The following GKAP1 variants were observed in gnomAD, a reference collection of about 807,000 sequenced individuals.
The protein encoded by GKAP1 is G kinase anchoring protein 1, also known as G kinase-anchoring protein 1.
In GKAP1, 31 loss-of-function variants were observed where a neutral mutation model predicts 56.7. The observed-to-expected ratio is 0.55, with a 90% confidence interval of 0.41 to 0.74. The LOEUF (loss-of-function observed/expected upper bound fraction) is 0.74, where lower values mean the gene tolerates loss of function less well. GKAP1 is among the 30% of genes least tolerant of loss of function. The probability of loss-of-function intolerance (pLI) is 0.00; values close to 1 mark genes in which losing one functional copy is unlikely to be tolerated. For synonymous variants in GKAP1, 151 were observed against 138.6 expected, an observed-to-expected ratio of 1.09 and a Z score of -0.63; for missense variants, 364 against 402.3, an observed-to-expected ratio of 0.90 and a Z score of 0.82.
chr9:83,756,470 C>CAAAAA (rs142896755), intron 8 of GKAP1, among the ~76,000 whole-genome samples: 27 of 75,388 alleles, frequency 3.6e-4, no homozygotes, highest in Middle Eastern at 0.011. Flanking sequence ...GACTCCATCT[C>CAAAAA]AAAAAAAAAA....
In GKAP1 at chr9:83,806,442, C is replaced by T. The variant is rs751945754; in HGVS notation, c.76G>A (p.Gly26Ser). 9 of 1,613,694 alleles carry T rather than the reference C, an allele frequency of 5.6e-6. No individual in the cohort carries two copies. Among genetic ancestry groups the T allele is most frequent in the Non-Finnish European group, 6.8e-6 (8 of 1,179,832 alleles). ...FALLQVDSGS[G>S]SDSEPGKGKG... Reference sequence around the variant, plus strand: ...CCTTTTCCAGGTTCAGAATCAGAGCCACTGCCACTATCCACTTGTAACAGG... The same window carrying T: ...CCTTTTCCAGGTTCAGAATCAGAGCTACTGCCACTATCCACTTGTAACAGG... Residue 26 changes from glycine to serine, a missense_variant, in exon 3 of 13, where the codon GGC becomes AGC. Transcript: ENST00000376371.
At position 83,778,366 on chromosome 9, in the gene GKAP1, T is replaced by C. The variant is rs1943897239; in HGVS notation, c.585+2016A>G. On this transcript the variant is annotated intron_variant, in intron 7 of 12. Coordinates refer to ENST00000376371, the MANE Select transcript of GKAP1 (RefSeq NM_025211.4). ...TGCACCATGGAATACTATGCAGCCA[T>C]AAAAAAGAATGAGACTGTGTCCTCT... 2.0e-5 allele frequency among the ~76,000 whole-genome samples: 3 copies of C among 152,060 alleles called. No individual in the cohort carries two copies. The South Asian group carries it at 6.2e-4, about 32-fold the overall frequency.
At chr9:83,742,704 T>A (rs997192070) in intron 10 of GKAP1, 104 bp from the exon 11 acceptor site, 3 of 611,484 alleles carry the variant, frequency 4.9e-6, no homozygotes, top group South Asian at 4.8e-5. Context: ...AACAATGATT[T>A]CTTGTCATAC....
At chr9:83,751,087 G>C (rs533779817) in intron 9 of GKAP1, among the ~76,000 whole-genome samples, 1 of 152,018 alleles carries the variant, frequency 6.6e-6, no homozygotes, top group African/African-American at 2.4e-5. Context: ...CGCCTGCCCC[G>C]GCCTCCCAAA....
intron 12 of GKAP1, among the ~76,000 whole-genome samples, chr9:83,741,249 T>C (rs560509118): frequency 1.3e-5 from 2 of 152,216 alleles, no homozygotes; most frequent in African/African-American, 4.8e-5. Context: ...TCAACTGCTA[T>C]GTTCTCCACA....
intron 8 of GKAP1, among the ~76,000 whole-genome samples, chr9:83,758,090 T>C (rs760603258): frequency 6.6e-6 from 1 of 152,190 alleles, no homozygotes; most frequent in Non-Finnish European, 1.5e-5. Flanking sequence ...CTAGCGTTGG[T>C]GCAGTTGTGG....
intron 6 of GKAP1, among the ~76,000 whole-genome samples, chr9:83,782,310 G>C (rs1416765670): frequency 6.6e-6 from 1 of 151,350 alleles, no homozygotes; most frequent in Admixed American, 6.6e-5. Flanking sequence ...ACTGCATCCA[G>C]CCCAAAATAG....
intron 2 of GKAP1, among the ~76,000 whole-genome samples, chr9:83,810,406 GAA>G: frequency 6.6e-6 from 1 of 152,302 alleles, no homozygotes; most frequent in South Asian, 2.1e-4. Flanking sequence ...TAGAAACCCT[GAA>G]AAGAGTCTGA....
chr9:83,741,923 A>T, intron 12 of GKAP1, 29 bp downstream of exon 12: 1 of 1,372,412 alleles, frequency 7.3e-7, no homozygotes. Context: ...TATTTGTGAT[A>T]AAAACACTTA....
At chr9:83,788,792 T>G in intron 4 of GKAP1, 114 bp from the exon 5 acceptor site, 1 of 576,544 alleles carries the variant, frequency 1.7e-6, no homozygotes, top group South Asian at 2.8e-5. Flanking sequence ...TAAAAAACAA[T>G]ATGGATTCTC....
chr9:83,754,422 A>C (rs748589585), intron 8 of GKAP1, among the ~76,000 whole-genome samples: 1 of 152,228 alleles, frequency 6.6e-6, no homozygotes, highest in South Asian at 2.1e-4. Flanking sequence ...CTCACTGAGC[A>C]TCTAACTTCT....
intron 4 of GKAP1, chr9:83,792,822 T>C (rs1944184134): frequency 5.3e-6 from 1 of 190,300 alleles, no homozygotes; most frequent in Non-Finnish European, 1.1e-5. Flanking sequence ...TTTAAAAAAG[T>C]ACCTTGTTTA....
intron 5 of GKAP1, among the ~76,000 whole-genome samples, chr9:83,787,965 T>C (rs1346024646): frequency 6.6e-6 from 1 of 152,200 alleles, no homozygotes; most frequent in Admixed American, 6.5e-5. Context: ...AATCCACTTA[T>C]TTTCTATGTT....
At chr9:83,784,285 G>T (rs1483126948) in intron 6 of GKAP1, among the ~76,000 whole-genome samples, 1 of 149,492 alleles carries the variant, frequency 6.7e-6, no homozygotes, top group Non-Finnish European at 1.5e-5. Context: ...AAAAAAAAAA[G>T]AAGAATTTAA....
chr9:83,788,393 G>A lies in GKAP1; in HGVS notation c.438+208C>T, dbSNP rs867874480. On this transcript the variant is annotated intron_variant, in intron 5 of 12. Transcript: ENST00000376371. Reference sequence around the variant, plus strand: ...AAATTCCTTAACATTCCAAGTCACCGGACAAAGCTTAATTCCAACTGTTTC... The same window carrying A: ...AAATTCCTTAACATTCCAAGTCACCAGACAAAGCTTAATTCCAACTGTTTC... Among the ~76,000 whole-genome samples the A allele has an allele frequency of 4.6e-5, 7 of 152,098 alleles. No homozygotes were observed. In the South Asian group the frequency reaches 6.2e-4, roughly 14 times the overall value.
chr9:83,750,686 C>A (rs997780732), intron 9 of GKAP1, among the ~76,000 whole-genome samples: 4 of 152,124 alleles, frequency 2.6e-5, no homozygotes, highest in African/African-American at 9.7e-5. Context: ...TTTAAAAAAT[C>A]TATTTTTTAA....
intron 8 of GKAP1, among the ~76,000 whole-genome samples, chr9:83,765,733 T>TGCTA (rs771181285): frequency 1.3e-5 from 2 of 152,350 alleles, no homozygotes; most frequent in African/African-American, 2.4e-5. Flanking sequence ...GCATGGGGCC[T>TGCTA]GTAGCCCCTC....
intron 10 of GKAP1, among the ~76,000 whole-genome samples, chr9:83,744,898 A>G (rs1587686321): frequency 6.6e-6 from 1 of 152,206 alleles, no homozygotes; most frequent in Non-Finnish European, 1.5e-5. Flanking sequence ...GAAGCCTCTT[A>G]TAACACCATC....
intron 7 of GKAP1, among the ~76,000 whole-genome samples, chr9:83,771,982 GC>G (rs5898835): frequency 0.56 from 85,512 of 151,632 alleles, 24,698 homozygotes; most frequent in Admixed American, 0.7. Flanking sequence ...TTTGAGTGAG[GC>G]CACAAAGTTT....
Sources: gnomAD v4.1 joint callset for allele counts (sites outside exome capture counted in the v4.1 genomes callset) on GRCh38, gnomAD v4.1.1 for gene constraint, MANE v1.5 for transcripts, NCBI Gene and HGNC (gene_info 2026-07-23, HGNC 2026-07-21) for gene names.